SIRT4: variants seen among roughly 807,000 people sequenced by gnomAD.
The protein encoded by SIRT4 is sirtuin 4.
A neutral mutation model predicts 26.1 loss-of-function variants in SIRT4; 23 were observed. That is an observed-to-expected ratio of 0.88 (90% CI 0.63 to 1.25). SIRT4 has a LOEUF of 1.25. SIRT4 is among the 50% of genes most tolerant of loss of function. SIRT4 has a pLI of 0.00. For synonymous variants in SIRT4, 155 were observed against 158.4 expected, an observed-to-expected ratio of 0.98 and a Z score of 0.16; for missense variants, 361 against 405.4, an observed-to-expected ratio of 0.89 and a Z score of 0.94.
intron 2 of SIRT4, among the ~76,000 whole-genome samples, chr12:120,310,010 C>A (rs543431039): frequency 3.3e-5 from 5 of 152,178 alleles, no homozygotes; most frequent in African/African-American, 1.2e-4. Flanking sequence ...AGTCACCGTG[C>A]CCGGCCTGGC....
the SIRT4 span, among the ~76,000 whole-genome samples, chr12:120,295,420 T>A: frequency 0.73 from 76,153 of 104,374 alleles, 24,943 homozygotes; most frequent in East Asian, 0.89. Flanking sequence ...ATATAGATAA[T>A]TTTTTTTTTT....
At chr12:120,300,145 A>G (rs141403173), upstream of SIRT4, among the ~76,000 whole-genome samples, 1,575 of 152,124 alleles carry the variant, frequency 0.01, 26 homozygotes, top group African/African-American at 0.035. Flanking sequence ...AACAAAATTT[A>G]GCTGGGCGTG....
At chr12:120,302,099 A>G (rs1010326789), upstream of SIRT4, among the ~76,000 whole-genome samples, 16 of 152,068 alleles carry the variant, frequency 1.1e-4, no homozygotes, top group African/African-American at 2.6e-4. Context: ...TCTTATGTAC[A>G]CTATAAATAT....
upstream of SIRT4, among the ~76,000 whole-genome samples, chr12:120,301,715 TATCAAAAC>T (rs1472159709): frequency 6.6e-6 from 1 of 151,954 alleles, no homozygotes; most frequent in Non-Finnish European, 1.5e-5. Flanking sequence ...TGCATGTTTG[TATCAAAAC>T]ATCTCATGTG....
chr12:120,292,887 G>C, the SIRT4 span, among the ~76,000 whole-genome samples: 3 of 152,180 alleles, frequency 2.0e-5, no homozygotes, highest in Non-Finnish European at 4.4e-5. Context: ...TACCTTAAAA[G>C]TAGAGATCAC....
chr12:120,292,508 G>A, the SIRT4 span, among the ~76,000 whole-genome samples: 1 of 152,204 alleles, frequency 6.6e-6, no homozygotes, highest in Non-Finnish European at 1.5e-5. Context: ...GGAGGCTGAG[G>A]CACGAGAATC....
At chr12:120,297,604 G>A (rs1470111475), upstream of SIRT4, among the ~76,000 whole-genome samples, 5 of 152,068 alleles carry the variant, frequency 3.3e-5, no homozygotes, top group Admixed American at 1.3e-4. Context: ...ACCGTCCAGG[G>A]ATGATTTTCC....
In SIRT4 at chr12:120,312,458, T is replaced by C; in HGVS notation, c.500T>C (p.Val167Ala). The C allele has an allele frequency of 6.2e-7, 1 of 1,610,080 alleles. No individual in the cohort carries two copies. Among genetic ancestry groups the C allele is most frequent in the Non-Finnish European group, 8.5e-7 (1 of 1,177,852 alleles). The change falls in exon 3 of 4, where the codon GTC (valine) becomes GCC (alanine). Residue 167 changes from valine (V) to alanine (A), a missense_variant and splice_region_variant. Val to Ala is a moderately conservative substitution (Grantham distance 64). Transcript: ENST00000202967. ...LTELHGCMDR[V>A]LCLDCGEQTP... ...GTCAGCGTCTTCCTTGGTTCCAGGG[T>C]CCTGTGCTTGGATTGTGGGGAACAG...
At chr12:120,293,070 C>CA in the SIRT4 span, 2 of 110,698 alleles carry the variant, frequency 1.8e-5, no homozygotes, top group African/African-American at 6.3e-5. Context: ...AAAAAAGCCT[C>CA]TGTTGTTCAA....
intron 2 of SIRT4, among the ~76,000 whole-genome samples, chr12:120,311,579 A>G (rs1194174883): frequency 6.8e-6 from 1 of 147,586 alleles, no homozygotes; most frequent in Non-Finnish European, 1.5e-5. Flanking sequence ...TAAAAATACA[A>G]AAAAAATTAG....
chr12:120,300,825 A>G (rs1384787067), upstream of SIRT4, among the ~76,000 whole-genome samples: 1 of 152,124 alleles, frequency 6.6e-6, no homozygotes, highest in African/African-American at 2.4e-5. Flanking sequence ...TTTATGTCCA[A>G]AGACACTTAT....
the SIRT4 span, among the ~76,000 whole-genome samples, chr12:120,293,933 A>G: frequency 2.6e-5 from 4 of 151,762 alleles, no homozygotes; most frequent in African/African-American, 9.7e-5. Flanking sequence ...TTTAAGGTTC[A>G]TCCATGTTGT....
chr12:120,301,566 G>A (rs1190742146), upstream of SIRT4, among the ~76,000 whole-genome samples: 2 of 152,026 alleles, frequency 1.3e-5, no homozygotes, highest in Non-Finnish European at 2.9e-5. Context: ...TTGGGGGGCC[G>A]AGGTTGGCGG....
Position 120,312,963 on chromosome 12 carries a change from G to A in SIRT4, c.872G>A (p.Arg291Gln), listed in dbSNP as rs200743967. 3.0e-5 allele frequency: 48 copies of A among 1,614,030 alleles called. No individual in the cohort carries two copies. The highest frequency in any genetic ancestry group is 3.6e-5 in the Non-Finnish European group (42 of 1,180,046). Residue 291 changes from arginine to glutamine, a missense_variant, in exon 4 of 4, where the codon CGG becomes CAG. By Grantham distance (43) the Arg-to-Gln change is conservative. Coordinates refer to ENST00000202967, the MANE Select transcript of SIRT4 (RefSeq NM_012240.3). Reference sequence around the variant, plus strand: ...GCAATACTGAACATTGGGCCCACACGGTCGGATGACTTGGCGTGTCTGAAA... The same window carrying A: ...GCAATACTGAACATTGGGCCCACACAGTCGGATGACTTGGCGTGTCTGAAA... Reference protein sequence around the residue: ...PIAILNIGPTRSDDLACLKLN... With the variant: ...PIAILNIGPTQSDDLACLKLN...
chr12:120,302,880 C>T lies in SIRT4; in HGVS notation c.-2+502C>T, dbSNP rs1182596608. ...GATTACGGGCACGTGCCACAATGCC[C>T]GGCTAATTTTTTTTGTATTTTTAGT... is the stretch of plus-strand genomic sequence containing the variant. On this transcript the variant is annotated intron_variant, in intron 1 of 3. Coordinates refer to ENST00000202967, the MANE Select transcript of SIRT4 (RefSeq NM_012240.3). 4.0e-5 allele frequency among the ~76,000 whole-genome samples: 6 copies of T among 151,462 alleles called. 1 individual carries two copies. In the South Asian group the frequency reaches 6.3e-4, roughly 16 times the overall value.
chr12:120,293,582 T>A, the SIRT4 span, among the ~76,000 whole-genome samples: 1 of 152,190 alleles, frequency 6.6e-6, no homozygotes, highest in Non-Finnish European at 1.5e-5. Flanking sequence ...TATTGTTTTG[T>A]CTTTTTTCTT....
At position 120,311,182 on chromosome 12, in the gene SIRT4, C is replaced by A. The variant is rs572733395; in HGVS notation, c.498-1274C>A. ...GAGACCAGCCTCAACATGGAGAAAC[C>A]CCGTCTCTACTAAAAATACAAAATT... On this transcript the variant is annotated intron_variant, in intron 2 of 3. Coordinates refer to ENST00000202967, the MANE Select transcript of SIRT4 (RefSeq NM_012240.3). Among the ~76,000 whole-genome samples, 28 of 148,688 alleles carry A rather than the reference C, an allele frequency of 1.9e-4. No homozygotes were observed. In the South Asian group the frequency reaches 6.0e-3, roughly 32 times the overall value.
chr12:120,307,193 T>C (rs1223229520), intron 2 of SIRT4, among the ~76,000 whole-genome samples: 1 of 152,124 alleles, frequency 6.6e-6, no homozygotes, highest in Non-Finnish European at 1.5e-5. Context: ...TTCTTAGTGG[T>C]CAGAACCAAA....
the SIRT4 span, among the ~76,000 whole-genome samples, chr12:120,296,194 T>G: frequency 6.6e-6 from 1 of 150,782 alleles, no homozygotes; most frequent in Non-Finnish European, 1.5e-5. Flanking sequence ...TGAACATTCA[T>G]GTACTCATCA....
Sources: gnomAD v4.1 joint callset for allele counts (sites outside exome capture counted in the v4.1 genomes callset) on GRCh38, gnomAD v4.1.1 for gene constraint, MANE v1.5 for transcripts, NCBI Gene and HGNC (gene_info 2026-07-23, HGNC 2026-07-21) for gene names.